The following AUTS2 variants were observed in gnomAD, a reference collection of about 807,000 sequenced individuals.
AUTS2 encodes the protein autism susceptibility gene 2 protein.
AUTS2 carries 17 observed loss-of-function variants against 112.4 expected under a neutral mutation model. That is an observed-to-expected ratio of 0.15 (90% CI 0.10 to 0.23). The LOEUF is 0.23. AUTS2 is among the 10% of genes least tolerant of loss of function. AUTS2 has a pLI of 1.00. For synonymous variants in AUTS2, 751 were observed against 702.7 expected (o/e 1.07, Z -1.09); for missense variants, 1,510 against 1,701.6 (o/e 0.89, Z 1.98).
chr7:70,052,263 A>G (rs1272182903), intron 2 of AUTS2, among the ~76,000 whole-genome samples: 2 of 152,184 alleles, frequency 1.3e-5, no homozygotes, highest in Non-Finnish European at 2.9e-5. Context: ...AGGGGGTTCC[A>G]GGTACATTGA....
At chr7:69,763,410 G>A (rs545072591) in intron 1 of AUTS2, among the ~76,000 whole-genome samples, 31 of 152,254 alleles carry the variant, frequency 2.0e-4, no homozygotes, top group Middle Eastern at 3.4e-3. Context: ...TTGTAAGAAC[G>A]GGTACACAAG....
Position 70,046,310 on chromosome 7 carries a change from C to T in AUTS2, c.523-71822C>T, listed in dbSNP as rs368869736. Reference sequence around the variant, plus strand: ...TAAGTTATTTAGCTTCCCTGTGCATCAGCTTCCCTACATGTAAAATGGATA... The same window carrying T: ...TAAGTTATTTAGCTTCCCTGTGCATTAGCTTCCCTACATGTAAAATGGATA... On this transcript the variant is annotated intron_variant, in intron 2 of 18. Transcript: ENST00000342771. Among the ~76,000 whole-genome samples the T allele has an allele frequency of 5.3e-5, 8 of 152,292 alleles. No homozygotes were observed. The South Asian group carries it at 1.7e-3, about 32-fold the overall frequency.
intron 2 of AUTS2, among the ~76,000 whole-genome samples, chr7:70,001,110 T>G (rs1191798534): frequency 6.6e-6 from 1 of 152,122 alleles, no homozygotes; most frequent in East Asian, 1.9e-4. Context: ...AAGCAGAGGC[T>G]CTTAGAAGTT....
chr7:69,770,071 T>C (rs1315015637), intron 1 of AUTS2, among the ~76,000 whole-genome samples: 1 of 152,156 alleles, frequency 6.6e-6, no homozygotes, highest in Non-Finnish European at 1.5e-5. Context: ...AAACAGACAG[T>C]TAAGGGTAAG....
At chr7:70,726,640 GAAGAT>G (rs1336556425) in intron 6 of AUTS2, among the ~76,000 whole-genome samples, 1 of 152,206 alleles carries the variant, frequency 6.6e-6, no homozygotes, top group African/African-American at 2.4e-5. Flanking sequence ...TTTGAGAAGA[GAAGAT>G]AACATCTTAA....
intron 4 of AUTS2, among the ~76,000 whole-genome samples, chr7:70,410,387 G>A (rs1388506566): frequency 6.7e-6 from 1 of 150,018 alleles, no homozygotes; most frequent in East Asian, 2.0e-4. Flanking sequence ...TCTGTCTTAG[G>A]AGGGTTTGTC....
intron 1 of AUTS2, among the ~76,000 whole-genome samples, chr7:69,664,138 G>C (rs995151751): frequency 2.0e-5 from 3 of 152,260 alleles, no homozygotes; most frequent in East Asian, 3.9e-4. Flanking sequence ...ACACAAAGAG[G>C]GTACTTAAAG....
At chr7:70,451,843 T>G (rs1796547674) in intron 5 of AUTS2, among the ~76,000 whole-genome samples, 1 of 152,072 alleles carries the variant, frequency 6.6e-6, no homozygotes. Context: ...TAGCCTGAGA[T>G]CCTATTGCTT....
Position 70,787,195 on chromosome 7 carries a change from CTTCACCAT to C in AUTS2, c.2309-9_2309-2del, listed in dbSNP as rs1246973182. 5.0e-6 allele frequency: 8 copies of C among 1,613,370 alleles called. No homozygotes were observed. The Admixed American group carries it at 8.3e-5, about 17-fold the overall frequency. On this transcript the variant is annotated splice_polypyrimidine_tract_variant and splice_region_variant and intron_variant, in intron 17 of 18. Transcript: ENST00000342771. ...TTCTCTTAAACCTTTTTGTTCTCCA[CTTCACCAT>C]TTCAGCACCCAACTCAATGTTCGGC...
intron 1 of AUTS2, among the ~76,000 whole-genome samples, chr7:69,767,185 T>C (rs979364518): frequency 1.4e-5 from 2 of 143,950 alleles, no homozygotes; most frequent in Non-Finnish European, 3.1e-5. Flanking sequence ...TGTCATCGTC[T>C]TTTTTTTTTT....
intron 4 of AUTS2, among the ~76,000 whole-genome samples, chr7:70,251,063 T>C (rs959753132): frequency 6.6e-6 from 1 of 151,998 alleles, no homozygotes; most frequent in Non-Finnish European, 1.5e-5. Context: ...AGTTATAAAA[T>C]ATTTCTTTTT....
Position 69,625,832 on chromosome 7 carries a change from G to A in AUTS2, c.309+25870G>A, listed in dbSNP as rs1025266596. On this transcript the variant is annotated intron_variant, in intron 1 of 18. Transcript: ENST00000342771. ...GGGATTGCCCACTGTACTCCAACCCGGGTGCCAGAGTGGGGCTCTGTCTCA... is the reference window on the plus strand; with the variant it reads ...GGGATTGCCCACTGTACTCCAACCCAGGTGCCAGAGTGGGGCTCTGTCTCA... Among the ~76,000 whole-genome samples the A allele has an allele frequency of 5.9e-5, 9 of 152,194 alleles. No homozygotes were observed. In the South Asian group the frequency reaches 1.0e-3, roughly 18 times the overall value.
chr7:70,776,769 T>C, intron 13 of AUTS2: 1 of 385,596 alleles, frequency 2.6e-6, no homozygotes, highest in South Asian at 2.5e-5. Context: ...CTTCCCACTC[T>C]ACCAGGTCTG....
At chr7:70,693,104 C>G (rs1031698125) in intron 5 of AUTS2, among the ~76,000 whole-genome samples, 2 of 152,162 alleles carry the variant, frequency 1.3e-5, no homozygotes, top group Non-Finnish European at 2.9e-5. Context: ...TTTTCCTCTG[C>G]ACCAAGGAGG....
At position 69,728,680 on chromosome 7, in the gene AUTS2, CT is replaced by C. The variant is rs5884765; in HGVS notation, c.309+128736del. Reference sequence around the variant, plus strand: ...AGGCTGGTAGGTTGCTTGCTTGTGGCTTTTTTTTTTTTTTTTTTAATTTAAA... The same window carrying C: ...AGGCTGGTAGGTTGCTTGCTTGTGGCTTTTTTTTTTTTTTTTTAATTTAAA... On this transcript the variant is annotated intron_variant, in intron 1 of 18. Transcript: ENST00000342771. 3.5e-3 allele frequency among the ~76,000 whole-genome samples: 447 copies of C among 128,684 alleles called. 1 individual carries two copies. The highest frequency in any genetic ancestry group is 0.03 in the South Asian group (118 of 3,872). 84.4% of individuals were successfully genotyped at this position (128,684 alleles called of 152,430 possible). A position where few individuals can be genotyped will look rare whatever the true frequency, so the allele number is the denominator to read the frequency against.
rs534680011 is a variant in AUTS2, at chr7:69,722,620, A to G, written c.309+122658A>G. Among the ~76,000 whole-genome samples, 20 of 152,190 alleles carry G rather than the reference A, an allele frequency of 1.3e-4. No homozygotes were observed. In the East Asian group the frequency reaches 3.7e-3, roughly 28 times the overall value. ...CAAAGTGCTGGGATTACAGGTGTGC[A>G]CCACTGTGCCTGGCCATACCTTACA... On this transcript the variant is annotated intron_variant, in intron 1 of 18. Coordinates refer to ENST00000342771, the MANE Select transcript of AUTS2 (RefSeq NM_015570.4).
At chr7:70,352,862 A>G (rs888179655) in intron 4 of AUTS2, among the ~76,000 whole-genome samples, 2 of 152,312 alleles carry the variant, frequency 1.3e-5, no homozygotes, top group South Asian at 4.1e-4. Flanking sequence ...CGAAGAAGTG[A>G]CATTCTAAGC....
chr7:70,130,234 C>T lies in AUTS2; in HGVS notation c.625-4302C>T, dbSNP rs557980590. 8.9e-4 allele frequency among the ~76,000 whole-genome samples: 136 copies of T among 152,278 alleles called. 1 individual carries two copies. Among genetic ancestry groups the T allele is most frequent in the Middle Eastern group, 3.4e-3 (1 of 294 alleles). On this transcript the variant is annotated intron_variant, in intron 3 of 18. Transcript: ENST00000342771. ...CATTCTCACCTAGGGGTGGAGTACA[C>T]ATGTGTCCTGTCTGTACTCAGGGAG...
intron 2 of AUTS2, among the ~76,000 whole-genome samples, chr7:69,917,136 C>T (rs1211347942): frequency 1.3e-5 from 2 of 152,120 alleles, no homozygotes; most frequent in African/African-American, 4.8e-5. Flanking sequence ...GCCTCAGCCT[C>T]CCAAGTAGCT....
Sources: allele counts gnomAD v4.1 joint callset (sites outside exome capture counted in the v4.1 genomes callset), GRCh38; gene constraint gnomAD v4.1.1; transcripts MANE v1.5; gene names NCBI Gene and HGNC (gene_info 2026-07-23, HGNC 2026-07-21).